ARK2N: variants seen among roughly 807,000 people sequenced by gnomAD.
The protein encoded by ARK2N is protein ARK2N.
At chr18:46,196,016 T>C in the ARK2N span, among the ~76,000 whole-genome samples, 1 of 151,978 alleles carries the variant, frequency 6.6e-6, no homozygotes, top group Non-Finnish European at 1.5e-5. Context: ...GTTTCACTTT[T>C]GCTGCCCAGG....
the ARK2N span, among the ~76,000 whole-genome samples, chr18:46,251,494 A>G: frequency 6.6e-6 from 1 of 152,154 alleles, no homozygotes; most frequent in Non-Finnish European, 1.5e-5. Flanking sequence ...GTGATATATA[A>G]TCTCAATCAC....
At chr18:46,223,873 A>T in the ARK2N span, among the ~76,000 whole-genome samples, 3 of 152,202 alleles carry the variant, frequency 2.0e-5, no homozygotes, top group Non-Finnish European at 4.4e-5. Flanking sequence ...ATAAAGCAGG[A>T]TATAAGAGAT....
the ARK2N span, among the ~76,000 whole-genome samples, chr18:46,244,448 A>G: frequency 6.6e-6 from 1 of 152,064 alleles, no homozygotes; most frequent in African/African-American, 2.4e-5. Context: ...TGGTGGCAGT[A>G]CAGAGAAATG....
the ARK2N span, among the ~76,000 whole-genome samples, chr18:46,260,088 G>A: frequency 1.3e-5 from 2 of 152,050 alleles, no homozygotes; most frequent in African/African-American, 4.8e-5. Context: ...GAGCTTGGAG[G>A]GCATCTTAAA....
the ARK2N span, among the ~76,000 whole-genome samples, chr18:46,208,726 C>T: frequency 6.6e-6 from 1 of 152,092 alleles, no homozygotes; most frequent in Non-Finnish European, 1.5e-5. Context: ...CCCTGACCTC[C>T]CAGATGCTGG....
At chr18:46,208,786 G>T in the ARK2N span, among the ~76,000 whole-genome samples, 1 of 152,020 alleles carries the variant, frequency 6.6e-6, no homozygotes, top group Non-Finnish European at 1.5e-5. Flanking sequence ...AATCTTTTAT[G>T]TGTCCTTATG....
At chr18:46,183,715 A>G in the ARK2N span, among the ~76,000 whole-genome samples, 29 of 151,612 alleles carry the variant, frequency 1.9e-4, no homozygotes, top group Admixed American at 6.6e-4. Context: ...TTTTAGTCCT[A>G]ATCTTTGGTT....
At chr18:46,229,900 C>T in the ARK2N span, among the ~76,000 whole-genome samples, 1 of 149,150 alleles carries the variant, frequency 6.7e-6, no homozygotes, top group Non-Finnish European at 1.5e-5. Context: ...CACCACGCCT[C>T]GCCTTGTGAA....
At chr18:46,220,638 A>C in the ARK2N span, among the ~76,000 whole-genome samples, 1 of 152,216 alleles carries the variant, frequency 6.6e-6, no homozygotes, top group African/African-American at 2.4e-5. Context: ...TTTCCTTCTT[A>C]ATATTGCATT....
chr18:46,253,885 CAAGTT>C, the ARK2N span: 1 of 1,504,588 alleles, frequency 6.6e-7, no homozygotes, highest in Non-Finnish European at 9.0e-7. Context: ...AACCAGAAAA[CAAGTT>C]AAAAGAAAAT....
the ARK2N span, among the ~76,000 whole-genome samples, chr18:46,260,367 G>A: frequency 2.0e-5 from 3 of 152,242 alleles, no homozygotes; most frequent in African/African-American, 4.8e-5. Flanking sequence ...GCTTTTGACC[G>A]AAGATAGTAT....
At chr18:46,216,381 A>G in the ARK2N span, 1 of 1,614,142 alleles carries the variant, frequency 6.2e-7, no homozygotes, top group East Asian at 2.2e-5. This position sits in a 1 kb window ranked among gnomAD's most constrained non-coding sequence, Gnocchi z 4.3. Context: ...AGAATGGCCG[A>G]GTCGCCAAGG....
the ARK2N span, among the ~76,000 whole-genome samples, chr18:46,228,017 T>C: frequency 1.3e-5 from 2 of 152,242 alleles, no homozygotes; most frequent in African/African-American, 4.8e-5. Flanking sequence ...TTTTTCAGTA[T>C]AAAATATATG....
the ARK2N span, among the ~76,000 whole-genome samples, chr18:46,238,882 A>G: frequency 6.6e-6 from 1 of 152,180 alleles, no homozygotes; most frequent in Admixed American, 6.5e-5. Flanking sequence ...CTTCATAGTC[A>G]AGAGTTTCAT....
the ARK2N span, among the ~76,000 whole-genome samples, chr18:46,202,327 T>C: frequency 6.6e-6 from 1 of 152,200 alleles, no homozygotes; most frequent in Non-Finnish European, 1.5e-5. Flanking sequence ...GCACACTAGC[T>C]GAAAAGTGTC....
At chr18:46,203,205 C>T in the ARK2N span, among the ~76,000 whole-genome samples, 2 of 152,128 alleles carry the variant, frequency 1.3e-5, no homozygotes, top group African/African-American at 4.8e-5. Context: ...TTCATGAATG[C>T]GTTGCTCATG....
the ARK2N span, among the ~76,000 whole-genome samples, chr18:46,203,362 T>C: frequency 6.6e-6 from 1 of 152,130 alleles, no homozygotes; most frequent in Non-Finnish European, 1.5e-5. Context: ...AGAGACATTG[T>C]TGAACTAAAG....
chr18:46,194,807 T>TA, the ARK2N span, among the ~76,000 whole-genome samples: 3 of 18,630 alleles, frequency 1.6e-4, no homozygotes, highest in Non-Finnish European at 6.7e-4. Context: ...TTTAATTAAT[T>TA]TTTTTTTTTT....
At chr18:46,240,725 G>GA in the ARK2N span, among the ~76,000 whole-genome samples, 5 of 151,656 alleles carry the variant, frequency 3.3e-5, no homozygotes, top group Non-Finnish European at 7.4e-5. Context: ...GTTAGCTCAG[G>GA]AAAAAAAATC....
Sources: allele counts gnomAD v4.1 joint callset (sites outside exome capture counted in the v4.1 genomes callset), GRCh38; gene constraint gnomAD v4.1.1; non-coding constraint Gnocchi (gnomAD v3.1); transcripts MANE v1.5; gene names NCBI Gene and HGNC (gene_info 2026-07-23, HGNC 2026-07-21).